Variants in RYK observed in about 807,000 individuals in gnomAD.
RYK encodes receptor like tyrosine kinase, also known as inactive tyrosine-protein kinase RYK.
A neutral mutation model predicts 70.2 loss-of-function variants in RYK; 21 were observed. The observed-to-expected ratio is 0.30, with a 90% CI of 0.21 to 0.43. RYK has a LOEUF of 0.43. Among genes scored for constraint, RYK ranks in the 20% least tolerant of loss-of-function variants. The pLI is 1.00. For missense variants in RYK, 604 were observed against 753.3 expected, an observed-to-expected ratio of 0.80 and a Z score of 2.32; for synonymous variants, 267 against 278.0, an observed-to-expected ratio of 0.96 and a Z score of 0.39.
At chr3:134,248,112 A>C (rs919778119) in intron 1 of RYK, among the ~76,000 whole-genome samples, 1 of 152,196 alleles carries the variant, frequency 6.6e-6, no homozygotes, top group Non-Finnish European at 1.5e-5. Context: ...AGAATGTATG[A>C]GGGAGATGGG....
At chr3:134,243,140 T>C (rs1398306542) in intron 1 of RYK, among the ~76,000 whole-genome samples, 8 of 152,028 alleles carry the variant, frequency 5.3e-5, no homozygotes, top group Admixed American at 5.2e-4. Flanking sequence ...GAATACATGG[T>C]TCATCTCCTT....
intron 9 of RYK, among the ~76,000 whole-genome samples, chr3:134,185,790 C>T (rs564944752): frequency 6.6e-6 from 1 of 152,116 alleles, no homozygotes; most frequent in Non-Finnish European, 1.5e-5. Flanking sequence ...GATCTAAGTA[C>T]AACAAATGGT....
intron 13 of RYK, among the ~76,000 whole-genome samples, chr3:134,162,733 G>A (rs1025959711): frequency 1.3e-5 from 2 of 152,118 alleles, no homozygotes; most frequent in African/African-American, 4.8e-5. Flanking sequence ...ATTAGTAAAT[G>A]CAATGCTTTA....
At chr3:134,177,213 C>T (rs2013135911) in intron 11 of RYK, among the ~76,000 whole-genome samples, 1 of 152,136 alleles carries the variant, frequency 6.6e-6, no homozygotes, top group South Asian at 2.1e-4. Context: ...CAGCCTCTAA[C>T]CACTTATTGA....
intron 13 of RYK, among the ~76,000 whole-genome samples, chr3:134,171,393 G>A (rs1446723192): frequency 1.3e-5 from 2 of 152,188 alleles, no homozygotes; most frequent in Non-Finnish European, 2.9e-5. Flanking sequence ...AACGCTCTTG[G>A]AGCATCTTGC....
intron 13 of RYK, among the ~76,000 whole-genome samples, chr3:134,161,678 C>A: frequency 6.6e-6 from 1 of 152,172 alleles, no homozygotes; most frequent in East Asian, 1.9e-4. Flanking sequence ...AAACAAATTT[C>A]TTAAAATACA....
chr3:134,159,292 C>T lies in RYK; in HGVS notation c.1657G>A (p.Ala553Thr), dbSNP rs745524156. 10 of 1,613,638 alleles carry T rather than the reference C, an allele frequency of 6.2e-6. No individual in the cohort carries two copies. The East Asian group carries it at 6.7e-5, about 11-fold the overall frequency. ...YVDIDPFEMA[A>T]YLKDGYRIAQ... is the part of the protein sequence containing the mutation. ...ATTCGGTAACCATCTTTCAGGTATG[C>T]GGCCATCTCGAAGGGGTCAATGTCC... The change falls in exon 14 of 15, where the codon GCA (alanine) becomes ACA (threonine). Residue 553 changes from alanine (A) to threonine (T), a missense_variant. Coordinates refer to ENST00000623711, the MANE Select transcript of RYK (RefSeq NM_002958.4).
At chr3:134,206,085 A>C (rs1475756612) in intron 5 of RYK, among the ~76,000 whole-genome samples, 1 of 152,246 alleles carries the variant, frequency 6.6e-6, no homozygotes, top group Non-Finnish European at 1.5e-5. Flanking sequence ...CTTTGGCAAC[A>C]GTGACATTTT....
intron 13 of RYK, among the ~76,000 whole-genome samples, chr3:134,168,243 C>T (rs995749596): frequency 6.6e-6 from 1 of 152,150 alleles, no homozygotes; most frequent in African/African-American, 2.4e-5. Context: ...ACTAGAAATA[C>T]CATTTGACCC....
At chr3:134,214,452 G>A (rs1471142250) in intron 2 of RYK, among the ~76,000 whole-genome samples, 1 of 152,096 alleles carries the variant, frequency 6.6e-6, no homozygotes, top group African/African-American at 2.4e-5. Context: ...CAGTATAGCC[G>A]TGAACACCTA....
At chr3:134,220,707 AAC>A (rs1237105154) in intron 2 of RYK, among the ~76,000 whole-genome samples, 2 of 152,196 alleles carry the variant, frequency 1.3e-5, no homozygotes, top group Non-Finnish European at 2.9e-5. Flanking sequence ...GATACACATT[AAC>A]ACACATTTTT....
intron 7 of RYK, among the ~76,000 whole-genome samples, chr3:134,194,824 T>A (rs1472806260): frequency 6.6e-6 from 1 of 152,222 alleles, no homozygotes; most frequent in Non-Finnish European, 1.5e-5. Context: ...TTAGTAGCCC[T>A]TTTAGTATAA....
chr3:134,235,098 C>A (rs1411350110), intron 1 of RYK, among the ~76,000 whole-genome samples: 1 of 151,860 alleles, frequency 6.6e-6, no homozygotes, highest in Non-Finnish European at 1.5e-5. Flanking sequence ...AATGTATAGG[C>A]CACAATATGA....
rs183441851 is a variant in RYK, at chr3:134,200,166, G to A, written c.788+2564C>T. 5.8e-4 allele frequency among the ~76,000 whole-genome samples: 88 copies of A among 152,106 alleles called. 1 individual carries two copies. The East Asian group carries it at 0.013, about 22-fold the overall frequency. On this transcript the variant is annotated intron_variant, in intron 6 of 14. Transcript: ENST00000623711. ...CTGCTTGGGTCCCCTTCCACGCTGT[G>A]GAAGCTTTGTTCTTTCGCTCTTCAC... is the stretch of plus-strand genomic sequence containing the variant.
At chr3:134,239,112 T>C (rs1266762765) in intron 1 of RYK, among the ~76,000 whole-genome samples, 1 of 152,030 alleles carries the variant, frequency 6.6e-6, no homozygotes, top group African/African-American at 2.4e-5. Context: ...GGGAGGCGCC[T>C]TACCCAGAGA....
chr3:134,200,992 T>C (rs1250319542), intron 6 of RYK, among the ~76,000 whole-genome samples: 1 of 152,248 alleles, frequency 6.6e-6, no homozygotes, highest in African/African-American at 2.4e-5. Flanking sequence ...TTCTGGCCTA[T>C]GTGGGCTCAC....
intron 13 of RYK, among the ~76,000 whole-genome samples, chr3:134,163,142 C>T (rs994210600): frequency 5.3e-5 from 8 of 152,120 alleles, no homozygotes; most frequent in Admixed American, 2.0e-4. Context: ...AACTACAACA[C>T]TAAAAGACGC....
At chr3:134,169,951 A>C (rs1203182830) in intron 13 of RYK, among the ~76,000 whole-genome samples, 1 of 152,206 alleles carries the variant, frequency 6.6e-6, no homozygotes, top group Admixed American at 6.5e-5. Context: ...GTGTGTACAC[A>C]TTTCCAACCC....
At chr3:134,239,056 G>C (rs1327931682) in intron 1 of RYK, among the ~76,000 whole-genome samples, 1 of 152,158 alleles carries the variant, frequency 6.6e-6, no homozygotes, top group Non-Finnish European at 1.5e-5. Flanking sequence ...TGGGTGCAGT[G>C]ATACAGGTCT....
Sources: gnomAD v4.1 joint callset for allele counts (sites outside exome capture counted in the v4.1 genomes callset) on GRCh38, gnomAD v4.1.1 for gene constraint, MANE v1.5 for transcripts, NCBI Gene and HGNC (gene_info 2026-07-23, HGNC 2026-07-21) for gene names.